The following SYNE2 variants were observed in gnomAD, a reference collection of about 807,000 sequenced individuals.
SYNE2 encodes nesprin-2.
Under a neutral mutation model 856.3 loss-of-function variants are expected in SYNE2, and 431 were observed. The ratio of observed to expected loss-of-function variants is 0.50; its 90% CI spans 0.47 to 0.55. The LOEUF (loss-of-function observed/expected upper bound fraction) is 0.55. SYNE2 is among the 20% of genes least tolerant of loss of function. SYNE2 has a pLI of 0.00. For missense variants in SYNE2, 8,129 were observed against 8,023.2 expected, an observed-to-expected ratio of 1.01 and a Z score of -0.50; for synonymous variants, 2,923 against 2,872.3, an observed-to-expected ratio of 1.02 and a Z score of -0.56.
chr14:63,806,255 T>C (rs1888358223), intron 1 of SYNE2, among the ~76,000 whole-genome samples: 1 of 152,254 alleles, frequency 6.6e-6, no homozygotes, highest in Non-Finnish European at 1.5e-5. Flanking sequence ...TTTTTGTATT[T>C]AGCTCTGTTT....
intron 36 of SYNE2, 67 bp from the exon 37 acceptor site, chr14:64,021,790 C>A (rs2096937828): frequency 5.8e-6 from 9 of 1,539,008 alleles, no homozygotes; most frequent in South Asian, 2.3e-5. Context: ...CAATTGAGAT[C>A]TAATATGCTT....
chr14:64,037,422 A>C (rs1224183661), intron 45 of SYNE2, among the ~76,000 whole-genome samples: 2 of 152,008 alleles, frequency 1.3e-5, no homozygotes, highest in African/African-American at 4.8e-5. Flanking sequence ...GACACAGCAC[A>C]TGTTTCAGAG....
At chr14:63,967,928 C>G in intron 11 of SYNE2, 82 bp downstream of exon 11, 1 of 1,423,416 alleles carries the variant, frequency 7.0e-7, no homozygotes, top group Non-Finnish European at 9.8e-7. Context: ...TTTGGGAGAC[C>G]AAGGCGGGTG....
At chr14:64,015,002 T>TATATATGTATATATGTATATATATAA (rs2096879990) in intron 32 of SYNE2, among the ~76,000 whole-genome samples, 1 of 143,562 alleles carries the variant, frequency 7.0e-6, no homozygotes, top group Admixed American at 7.0e-5. Context: ...CATATATAAA[T>TATATATGTATATATGTATATATATAA]ATATATATGT....
chr14:63,910,497 A>C lies in SYNE2; in HGVS notation c.79+1270A>C, dbSNP rs144192260. ...GTAAGAATTTTTAAAATTTTCAGTA[A>C]GGACTTAAAAATAATGTCTGAATAT... On this transcript the variant is annotated intron_variant, in intron 2 of 115. Transcript: ENST00000555002. Among the ~76,000 whole-genome samples, 122 of 152,354 alleles carry C rather than the reference A, an allele frequency of 8.0e-4. No individual in the cohort carries two copies. The Middle Eastern group carries it at 0.01, about 13-fold the overall frequency.
chr14:64,154,051 C>A (rs1477324907), intron 85 of SYNE2, among the ~76,000 whole-genome samples: 1 of 151,842 alleles, frequency 6.6e-6, no homozygotes, highest in East Asian at 1.9e-4. Context: ...TAAATGCAGG[C>A]CAGACATGGT....
chr14:63,966,568 T>TC (rs111600981), intron 10 of SYNE2, among the ~76,000 whole-genome samples: 5,504 of 146,810 alleles, frequency 0.037, 253 homozygotes, highest in African/African-American at 0.11. Context: ...CTCTTTTTTT[T>TC]CCCCCCCCGA....
At chr14:64,031,743 CAG>C (rs2097037992) in intron 45 of SYNE2, among the ~76,000 whole-genome samples, 1 of 152,184 alleles carries the variant, frequency 6.6e-6, no homozygotes, top group African/African-American at 2.4e-5. Context: ...ATAATAAAAT[CAG>C]AGACTGTCGG....
chr14:64,118,207 G>T (rs1014637772), intron 66 of SYNE2, among the ~76,000 whole-genome samples: 9 of 152,150 alleles, frequency 5.9e-5, no homozygotes, highest in Admixed American at 2.0e-4. Context: ...TGATCATGGT[G>T]CTGGAATGTG....
chr14:63,912,472 A>G (rs941960005), intron 2 of SYNE2, among the ~76,000 whole-genome samples: 1 of 152,232 alleles, frequency 6.6e-6, no homozygotes, highest in Non-Finnish European at 1.5e-5. Context: ...CAGAATTCAC[A>G]TGTGCTTAAT....
At chr14:63,773,530 T>A (rs2139712977) in intron 1 of SYNE2, among the ~76,000 whole-genome samples, 1 of 152,302 alleles carries the variant, frequency 6.6e-6, no homozygotes, top group East Asian at 1.9e-4. Context: ...AGCCTATTTT[T>A]AAAATAAGTT....
Position 64,224,996 on chromosome 14 carries a change from C to A in SYNE2, c.20470-3C>A. The A allele has an allele frequency of 6.2e-7, 1 of 1,613,632 alleles. No homozygotes were observed. The highest frequency in any genetic ancestry group is 8.5e-7 in the Non-Finnish European group (1 of 1,179,842). On this transcript the variant is annotated splice_polypyrimidine_tract_variant and splice_region_variant and intron_variant, in intron 114 of 115. Coordinates refer to ENST00000555002, the MANE Select transcript of SYNE2 (RefSeq NM_182914.3). ...TACTAACTGGAGTTTCTTTACCCAGCAGTTCAGAGCAGTGAGAACTACAGA... is the reference window on the plus strand; with the variant it reads ...TACTAACTGGAGTTTCTTTACCCAGAAGTTCAGAGCAGTGAGAACTACAGA...
chr14:64,176,779 TTTTA>T (rs370375972), intron 95 of SYNE2, among the ~76,000 whole-genome samples: 6,266 of 150,314 alleles, frequency 0.042, 162 homozygotes, highest in African/African-American at 0.054. Flanking sequence ...ACTTTTTTAT[TTTTA>T]TTTATTTATT....
intron 11 of SYNE2, among the ~76,000 whole-genome samples, chr14:63,973,397 C>T (rs533018722): frequency 6.6e-6 from 1 of 151,690 alleles, no homozygotes; most frequent in African/African-American, 2.4e-5. Context: ...TTTGGGAGGC[C>T]GAGGCGGGCG....
chr14:64,099,978 G>A (rs1256541353), intron 63 of SYNE2: 1 of 151,820 alleles, frequency 6.6e-6, no homozygotes, highest in East Asian at 1.9e-4. Context: ...TCCCATTACT[G>A]GGTATATACC....
intron 65 of SYNE2, among the ~76,000 whole-genome samples, chr14:64,109,116 C>G (rs2097789413): frequency 1.3e-5 from 2 of 151,972 alleles, no homozygotes; most frequent in African/African-American, 4.8e-5. Flanking sequence ...CTCAAACCAT[C>G]TGCCCACCGT....
At chr14:64,220,048 G>A (rs1013520743) in intron 110 of SYNE2, among the ~76,000 whole-genome samples, 4 of 151,988 alleles carry the variant, frequency 2.6e-5, no homozygotes, top group African/African-American at 7.3e-5. Context: ...TACTATCTGT[G>A]TTAATATATT....
At chr14:64,075,085 G>A (rs2097447335) in intron 53 of SYNE2, among the ~76,000 whole-genome samples, 1 of 152,104 alleles carries the variant, frequency 6.6e-6, no homozygotes, top group African/African-American at 2.4e-5. Flanking sequence ...TCTCTCTCTA[G>A]ATTTGTCCTC....
chr14:63,917,044 G>A (rs536546168), intron 2 of SYNE2, among the ~76,000 whole-genome samples: 2 of 152,188 alleles, frequency 1.3e-5, no homozygotes, highest in East Asian at 3.9e-4. Context: ...AGCTATGATC[G>A]TACCACTGTG....
Sources: gnomAD v4.1 joint callset for allele counts (sites outside exome capture counted in the v4.1 genomes callset) on GRCh38, gnomAD v4.1.1 for gene constraint, MANE v1.5 for transcripts, NCBI Gene and HGNC (gene_info 2026-07-23, HGNC 2026-07-21) for gene names.